EPRS1: variants seen among roughly 807,000 people sequenced by gnomAD.
EPRS1 encodes the protein bifunctional glutamate/proline--tRNA ligase.
In EPRS1, 107 loss-of-function variants were observed where a neutral mutation model predicts 188.3. The ratio of observed to expected loss-of-function variants is 0.57; its 90% confidence interval spans 0.49 to 0.67. EPRS1 has a LOEUF of 0.67. EPRS1 is among the 30% of genes least tolerant of loss of function. EPRS1 has a pLI of 0.00. For missense variants in EPRS1, 1,577 were observed against 1,802.2 expected, an observed-to-expected ratio of 0.88 and a Z score of 2.26; for synonymous variants, 596 against 593.1, an observed-to-expected ratio of 1.00 and a Z score of -0.07.
intron 23 of EPRS1, 53 bp downstream of exon 23, chr1:219,982,719 G>T (rs1231276866): frequency 7.2e-7 from 1 of 1,394,124 alleles, no homozygotes; most frequent in Non-Finnish European, 1.0e-6. Context: ...AACTTTAGAG[G>T]CTGTCTCTAA....
intron 23 of EPRS1, among the ~76,000 whole-genome samples, chr1:219,981,671 C>A (rs1302732535): frequency 6.6e-6 from 1 of 152,184 alleles, no homozygotes; most frequent in Non-Finnish European, 1.5e-5. Context: ...GGATACAAAT[C>A]TAAACTTGAT....
At chr1:219,970,621 T>C (rs1337998462) in intron 30 of EPRS1, among the ~76,000 whole-genome samples, 2 of 151,710 alleles carry the variant, frequency 1.3e-5, no homozygotes. Context: ...CTACTAAAAA[T>C]ACAAAAATTA....
At chr1:219,988,128 A>G (rs983141236) in intron 19 of EPRS1, among the ~76,000 whole-genome samples, 2 of 152,232 alleles carry the variant, frequency 1.3e-5, no homozygotes, top group Non-Finnish European at 2.9e-5. Context: ...CTGTACAGAA[A>G]AACCTACTCC....
In EPRS1 at chr1:219,978,661, A is replaced by T; in HGVS notation, c.3968T>A (p.Leu1323Gln). The T allele has an allele frequency of 6.2e-7, 1 of 1,613,000 alleles. No individual in the cohort carries two copies. The change falls in exon 28 of 32, where the codon CTG becomes CAG. Residue 1323 changes from leucine to glutamine, a missense_variant. Physicochemically the swap from Leu to Gln is moderately radical, Grantham distance 113. Around this residue, in one of 3 missense-constraint regions of EPRS1, gnomAD observed 296 missense variants for 327.9 expected, o/e 0.90. Transcript: ENST00000366923. The part of the protein sequence containing the change: ...NALSEEDKEA[L>Q]IAKCNDYRRR... The stretch of plus-strand genomic sequence containing the variant: ...TCGATAATCATTGCATTTTGCAATC[A>T]GCGCTTCTTTGTCTTCTTCAGAAAG...
At chr1:220,041,325 G>A (rs1368023637) in intron 1 of EPRS1, among the ~76,000 whole-genome samples, 1 of 148,890 alleles carries the variant, frequency 6.7e-6, no homozygotes, top group Non-Finnish European at 1.5e-5. Context: ...CAGCGAAACT[G>A]TCTCAAAAAA....
At chr1:220,006,852 A>T (rs1768665) in intron 14 of EPRS1, among the ~76,000 whole-genome samples, 122,023 of 152,134 alleles carry the variant, frequency 0.8, 49,103 homozygotes, top group East Asian at 0.93. Context: ...AATTTTAGTA[A>T]AAAGATTATG....
At chr1:219,971,805 C>CACACACATACAA (rs1660672747) in intron 30 of EPRS1, among the ~76,000 whole-genome samples, 1 of 60,032 alleles carries the variant, frequency 1.7e-5, no homozygotes, top group Admixed American at 1.5e-4. Context: ...TACATATACA[C>CACACACATACAA]ACACACTATA....
At chr1:220,043,829 T>A (rs1041540028) in intron 1 of EPRS1, among the ~76,000 whole-genome samples, 1 of 152,188 alleles carries the variant, frequency 6.6e-6, no homozygotes, top group Non-Finnish European at 1.5e-5. Flanking sequence ...CATTCCAGAC[T>A]GAAAGAAACT....
At chr1:219,997,377 A>T in intron 17 of EPRS1, 35 bp from the exon 18 acceptor site, 11 of 1,490,906 alleles carry the variant, frequency 7.4e-6, no homozygotes, top group Middle Eastern at 2.5e-4. Context: ...AAAATAATTA[A>T]TTCATATTAA....
chr1:219,988,507 T>C, intron 19 of EPRS1, 83 bp downstream of exon 19: 1 of 871,970 alleles, frequency 1.1e-6, no homozygotes, highest in Non-Finnish European at 1.8e-6. Context: ...TAGCCAGATT[T>C]GATGGGGCAC....
chr1:219,974,614 T>TA, intron 28 of EPRS1, among the ~76,000 whole-genome samples: 1 of 152,232 alleles, frequency 6.6e-6, no homozygotes. Context: ...GGAAAAATTT[T>TA]AAATATTACT....
chr1:219,972,824 G>A (rs1660694455), intron 29 of EPRS1, among the ~76,000 whole-genome samples: 1 of 152,160 alleles, frequency 6.6e-6, no homozygotes, highest in African/African-American at 2.4e-5. Context: ...CCCTGGGGGA[G>A]CTTTTAACAG....
chr1:219,980,351 T>C, intron 25 of EPRS1, 111 bp from the exon 26 acceptor site: 1 of 751,760 alleles, frequency 1.3e-6, no homozygotes. Flanking sequence ...ATCTGAACAA[T>C]AAAAACCTCT....
chr1:219,983,909 A>C (rs1274878504), intron 21 of EPRS1, among the ~76,000 whole-genome samples: 4 of 151,982 alleles, frequency 2.6e-5, no homozygotes, highest in African/African-American at 9.7e-5. Context: ...AAAAAAAAAA[A>C]AACTTGAATT....
At chr1:219,997,495 A>T (rs1483332219) in intron 17 of EPRS1, among the ~76,000 whole-genome samples, 153 bp from the exon 18 acceptor site, 1 of 152,210 alleles carries the variant, frequency 6.6e-6, no homozygotes, top group Non-Finnish European at 1.5e-5. Context: ...ATAATCTCCT[A>T]AGTATTTATC....
intron 9 of EPRS1, among the ~76,000 whole-genome samples, chr1:220,021,560 AT>A (rs113757150): frequency 6.6e-6 from 1 of 152,354 alleles, no homozygotes; most frequent in African/African-American, 2.4e-5. Context: ...ATGCTTTGCA[AT>A]TATTTGACAC....
chr1:219,969,241 T>C (rs1485950558), intron 30 of EPRS1, 119 bp from the exon 31 acceptor site: 1 of 706,308 alleles, frequency 1.4e-6, no homozygotes, highest in Non-Finnish European at 2.5e-6. Flanking sequence ...CCCAACCTTT[T>C]TTCAGGCTAT....
intron 18 of EPRS1, among the ~76,000 whole-genome samples, chr1:219,995,784 G>T (rs2102573368): frequency 6.6e-6 from 1 of 152,286 alleles, no homozygotes; most frequent in South Asian, 2.1e-4. Context: ...AAATATTCAT[G>T]AATCAAAGTA....
chr1:220,009,670 G>A (rs1338602075), intron 13 of EPRS1, among the ~76,000 whole-genome samples: 2 of 151,582 alleles, frequency 1.3e-5, no homozygotes, highest in South Asian at 2.1e-4. Flanking sequence ...GAGCACCAGA[G>A]CAAGGCCCAT....
Sources: allele counts gnomAD v4.1 joint callset (sites outside exome capture counted in the v4.1 genomes callset), GRCh38; gene constraint gnomAD v4.1.1; regional missense constraint gnomAD v4.1.1; transcripts MANE v1.5; gene names NCBI Gene and HGNC (gene_info 2026-07-23, HGNC 2026-07-21).